Variants in DPF3 observed in about 807,000 individuals in gnomAD.
The protein encoded by DPF3 is zinc finger protein DPF3.
In DPF3, 18 loss-of-function variants were observed where a neutral mutation model predicts 56.8. The observed-to-expected ratio is 0.32, with a 90% confidence interval of 0.22 to 0.47. The LOEUF (loss-of-function observed/expected upper bound fraction) is 0.47. DPF3 is among the 20% of genes least tolerant of loss of function. The pLI, the probability that DPF3 is intolerant of heterozygous loss-of-function variation, is 1.00. For missense variants in DPF3, 403 were observed against 488.8 expected, an observed-to-expected ratio of 0.82 and a Z score of 1.65; for synonymous variants, 188 against 180.2, an observed-to-expected ratio of 1.04 and a Z score of -0.35.
intron 8 of DPF3, among the ~76,000 whole-genome samples, chr14:72,656,027 G>A (rs914533254): frequency 6.6e-5 from 10 of 152,150 alleles, no homozygotes; most frequent in African/African-American, 2.4e-4. Context: ...TGTTTCTCCT[G>A]TGCTCCCTGG....
intron 1 of DPF3, among the ~76,000 whole-genome samples, chr14:72,787,027 C>T (rs1264353339): frequency 6.6e-6 from 1 of 152,214 alleles, no homozygotes; most frequent in Non-Finnish European, 1.5e-5. Context: ...CTCTCCAGAG[C>T]GGACTCAGAG....
At chr14:72,750,808 A>AC (rs1288330467) in intron 3 of DPF3, among the ~76,000 whole-genome samples, 2 of 151,034 alleles carry the variant, frequency 1.3e-5, no homozygotes, top group Non-Finnish European at 3.0e-5. Flanking sequence ...AAAAAAAAAA[A>AC]AAAAAAAAAC....
intron 2 of DPF3, 23 bp from the exon 3 acceptor site, chr14:72,753,394 G>C: frequency 6.3e-7 from 1 of 1,585,194 alleles, no homozygotes; most frequent in South Asian, 1.1e-5. Flanking sequence ...ACAATATAAA[G>C]ATTAAAGGCT....
intron 1 of DPF3, among the ~76,000 whole-genome samples, chr14:72,831,762 T>C (rs1432908504): frequency 1.3e-5 from 2 of 152,206 alleles, no homozygotes; most frequent in African/African-American, 2.4e-5. Flanking sequence ...CCTGAAAATA[T>C]AGATGTGTGC....
chr14:72,740,017 G>A (rs1224111460), intron 3 of DPF3, among the ~76,000 whole-genome samples: 1 of 152,070 alleles, frequency 6.6e-6, no homozygotes, highest in East Asian at 1.9e-4. Flanking sequence ...GTGATGGGAG[G>A]GGGGTTACAC....
chr14:72,640,072 A>AAAAAAAAAAAAAAAAAAAAAAAAAAG (rs1885506419), intron 8 of DPF3, among the ~76,000 whole-genome samples: 1 of 121,994 alleles, frequency 8.2e-6, no homozygotes, highest in Non-Finnish European at 1.8e-5. Context: ...AAAAAAAAAA[A>AAAAAAAAAAAAAAAAAAAAAAAAAAG]AAAAAAAATG....
intron 8 of DPF3, among the ~76,000 whole-genome samples, chr14:72,673,070 C>G (rs189555991): frequency 6.6e-6 from 1 of 152,138 alleles, no homozygotes; most frequent in Non-Finnish European, 1.5e-5. Flanking sequence ...GAGAGTCACA[C>G]GTTGAGGGTT....
Position 72,618,921 on chromosome 14 carries a change from A to T in DPF3, c.*376T>A, listed in dbSNP as rs1469114416. Among the ~76,000 whole-genome samples, 2 of 152,068 alleles carry T rather than the reference A, an allele frequency of 1.3e-5. No homozygotes were observed. Among genetic ancestry groups the T allele is most frequent in the Non-Finnish European group, 2.9e-5 (2 of 68,018 alleles). Reference sequence around the variant, plus strand: ...CAAGATTTCTTGGAACACAATAGATAAAAAAACACCACACTACACACAAGT... The same window carrying T: ...CAAGATTTCTTGGAACACAATAGATTAAAAAACACCACACTACACACAAGT... On this transcript the variant is annotated 3_prime_UTR_variant, in exon 11 of 11. Transcript: ENST00000556509.
intron 1 of DPF3, among the ~76,000 whole-genome samples, chr14:72,871,951 C>T (rs1260629738): frequency 1.3e-5 from 2 of 152,236 alleles, no homozygotes; most frequent in Non-Finnish European, 2.9e-5. Context: ...TCCCTGAGGG[C>T]CCCGCCCCTG....
intron 7 of DPF3, among the ~76,000 whole-genome samples, chr14:72,681,147 T>C (rs933908391): frequency 6.6e-6 from 1 of 152,054 alleles, no homozygotes; most frequent in South Asian, 2.1e-4. Context: ...AGTGAAAGGA[T>C]GGACAAATCA....
chr14:72,860,616 G>A (rs1456790724), intron 1 of DPF3, among the ~76,000 whole-genome samples: 1 of 139,972 alleles, frequency 7.1e-6, no homozygotes, highest in Non-Finnish European at 1.5e-5. Context: ...CAAGGCTGGA[G>A]TGCAATGGCA....
At chr14:72,795,219 T>C (rs1301358853) in intron 1 of DPF3, among the ~76,000 whole-genome samples, 2 of 148,858 alleles carry the variant, frequency 1.3e-5, no homozygotes, top group African/African-American at 2.5e-5. Context: ...TGGTGAAGAA[T>C]TGAAAGAAAC....
chr14:72,683,817 G>A (rs1480963264), intron 7 of DPF3, among the ~76,000 whole-genome samples: 1 of 152,122 alleles, frequency 6.6e-6, no homozygotes, highest in East Asian at 1.9e-4. Flanking sequence ...AAGCTCCCCT[G>A]GTAGGGTGGC....
chr14:72,823,511 G>A (rs1442690961), intron 1 of DPF3, among the ~76,000 whole-genome samples: 2 of 152,190 alleles, frequency 1.3e-5, no homozygotes, highest in Non-Finnish European at 2.9e-5. Context: ...GTGAAGTAGA[G>A]ATAAGCAAGG....
At chr14:72,821,168 C>T (rs1380922393) in intron 1 of DPF3, among the ~76,000 whole-genome samples, 6 of 149,234 alleles carry the variant, frequency 4.0e-5, no homozygotes, top group Admixed American at 2.7e-4. Context: ...GGCGTGGTGG[C>T]ATGCACACTA....
chr14:72,881,453 T>G (rs1320927077), intron 1 of DPF3, among the ~76,000 whole-genome samples: 1 of 152,064 alleles, frequency 6.6e-6, no homozygotes, highest in Non-Finnish European at 1.5e-5. Flanking sequence ...CAACACTGGG[T>G]ATTCTCCCTG....
intron 1 of DPF3, chr14:72,880,057 G>T: frequency 1.7e-6 from 2 of 1,199,184 alleles, no homozygotes; most frequent in South Asian, 1.9e-5. Flanking sequence ...CCTGCATATG[G>T]CTCAGTAACA....
intron 8 of DPF3, among the ~76,000 whole-genome samples, chr14:72,652,237 G>A (rs1885931274): frequency 6.6e-6 from 1 of 152,198 alleles, no homozygotes. Context: ...GTCTTTCCCA[G>A]TGAGCCCTGA....
At chr14:72,779,345 G>A (rs1891876821) in intron 1 of DPF3, among the ~76,000 whole-genome samples, 1 of 152,160 alleles carries the variant, frequency 6.6e-6, no homozygotes, top group Non-Finnish European at 1.5e-5. Flanking sequence ...AGCACTGGGT[G>A]GCCTAACTGC....
Sources: gnomAD v4.1 joint callset for allele counts (sites outside exome capture counted in the v4.1 genomes callset) on GRCh38, gnomAD v4.1.1 for gene constraint, MANE v1.5 for transcripts, NCBI Gene and HGNC (gene_info 2026-07-23, HGNC 2026-07-21) for gene names.